LRP2: variants seen among roughly 807,000 people sequenced by gnomAD.
LRP2 encodes the protein LDL receptor related protein 2, also known as low-density lipoprotein receptor-related protein 2.
In LRP2, 172 loss-of-function variants were observed where a neutral mutation model predicts 531.0. The ratio of observed to expected loss-of-function variants is 0.32; its 90% CI spans 0.29 to 0.37. The LOEUF is 0.37. LRP2 is among the 10% of genes least tolerant of loss of function. LRP2 has a pLI of 1.00. For missense variants in LRP2, 5,167 were observed against 5,868.3 expected (o/e 0.88, Z 3.90); for synonymous variants, 1,992 against 2,027.6 (o/e 0.98, Z 0.47).
intron 41 of LRP2, among the ~76,000 whole-genome samples, 165 bp from the exon 42 acceptor site, chr2:169,204,436 CTT>C (rs973019273): frequency 1.3e-5 from 2 of 152,066 alleles, no homozygotes; most frequent in African/African-American, 4.8e-5. Context: ...GATGGGAGGT[CTT>C]GTTTGCTTAT....
intron 48 of LRP2, among the ~76,000 whole-genome samples, chr2:169,191,449 G>A (rs1042050877): frequency 6.6e-6 from 1 of 152,118 alleles, no homozygotes. Context: ...CTGGCCCTCT[G>A]TGCAAGGCCA....
Position 169,289,099 on chromosome 2 carries a change from C to G in LRP2, c.969G>C (p.Glu323Asp). 2 of 1,614,154 alleles carry G rather than the reference C, an allele frequency of 1.2e-6. No homozygotes were observed. The highest frequency in any genetic ancestry group is 1.7e-6 in the Non-Finnish European group (2 of 1,179,998). The change falls in exon 9 of 79, where the codon GAG becomes GAC. Residue 323 changes from glutamate to aspartate, a missense_variant. Coordinates refer to ENST00000649046, the MANE Select transcript of LRP2 (RefSeq NM_004525.3). ...AAAAACACGCTCCTCCATACGGCGT[C>G]TCATGGCACTGGTACTGGCAGTTCA... The part of the protein sequence containing the change: ...SALNCQYQCH[E>D]TPYGGACFCP...
At chr2:169,292,625 C>T (rs1442276855) in intron 6 of LRP2, among the ~76,000 whole-genome samples, 2 of 151,852 alleles carry the variant, frequency 1.3e-5, no homozygotes, top group Non-Finnish European at 2.9e-5. Flanking sequence ...TTAGATCAGC[C>T]TGGGCAACAT....
In LRP2 at chr2:169,241,331, T is replaced by G. The variant is rs750727070; in HGVS notation, c.3702A>C (p.Glu1234Asp). The G allele has an allele frequency of 2.5e-6, 4 of 1,614,148 alleles. No homozygotes were observed. The South Asian group carries it at 4.4e-5, about 18-fold the overall frequency. The change falls in exon 25 of 79, where the codon GAA (glutamate) becomes GAC (aspartate). Residue 1234 changes from glutamate (E) to aspartate (D), a missense_variant. By Grantham distance (45) the Glu-to-Asp change is conservative. Transcript: ENST00000649046. ...TRPPGMCHSDEFQCQEDGICI... is the reference protein window; with the variant it reads ...TRPPGMCHSDDFQCQEDGICI... ...AGATACCATCTTCTTGGCACTGAAA[T>G]TCATCTGAGTGGCACATACCAGGAG...
chr2:169,222,752 C>T (rs1451830074), intron 33 of LRP2, among the ~76,000 whole-genome samples: 1 of 152,188 alleles, frequency 6.6e-6, no homozygotes, highest in Non-Finnish European at 1.5e-5. Context: ...CTCTCTCTCT[C>T]TCCTCCCTTT....
chr2:169,307,583 T>G (rs1362946997), intron 3 of LRP2, among the ~76,000 whole-genome samples, 186 bp from the exon 4 acceptor site: 1 of 152,180 alleles, frequency 6.6e-6, no homozygotes. Flanking sequence ...GCCCAGAGAA[T>G]AGTGTCCACA....
At chr2:169,246,101 TTTTGTATTTTGTAA>T (rs1189816422) in intron 21 of LRP2, among the ~76,000 whole-genome samples, 1 of 152,158 alleles carries the variant, frequency 6.6e-6, no homozygotes, top group Non-Finnish European at 1.5e-5. Context: ...ATTTTGTTTT[TTTTGTATTTTGTAA>T]TTTTGTATTT....
rs151284101 is a variant in LRP2 at position 169,275,435 on chromosome 2, T to C, written c.1773-197A>G. 1,378 of 573,972 alleles carry C rather than the reference T, an allele frequency of 2.4e-3. 36 individuals are homozygous for C. The Admixed American group carries it at 0.036, about 15-fold the overall frequency. The allele number at this position is 573,972 out of a possible 1,614,324, so 35.6% of individuals were successfully genotyped here. A position where few individuals can be genotyped will look rare whatever the true frequency, so the allele number is the denominator to read the frequency against. On this transcript the variant is annotated intron_variant, in intron 13 of 78. Coordinates refer to ENST00000649046, the MANE Select transcript of LRP2 (RefSeq NM_004525.3). ...ATAGAAGGATTTTCATGTTGTCTCTTGGAAAAGACCCTTGAGACTTACATT... is the reference window on the plus strand; with the variant it reads ...ATAGAAGGATTTTCATGTTGTCTCTCGGAAAAGACCCTTGAGACTTACATT...
chr2:169,310,173 G>C (rs1330376850), intron 3 of LRP2, among the ~76,000 whole-genome samples: 2 of 152,116 alleles, frequency 1.3e-5, no homozygotes, highest in Non-Finnish European at 2.9e-5. Context: ...CTGCAAACGG[G>C]GACAATTTGA....
intron 1 of LRP2, among the ~76,000 whole-genome samples, chr2:169,348,289 C>T (rs1422654308): frequency 2.6e-5 from 4 of 152,128 alleles, no homozygotes; most frequent in Non-Finnish European, 4.4e-5. Flanking sequence ...CTATTTGTTA[C>T]GTATGGAGTC....
chr2:169,156,121 T>C (rs192509159), intron 65 of LRP2, among the ~76,000 whole-genome samples, 153 bp downstream of exon 65: 329 of 151,970 alleles, frequency 2.2e-3, no homozygotes, highest in Non-Finnish European at 3.0e-3. Context: ...AAGGAGCGAC[T>C]AAAGAGGTGT....
rs116332504 is a variant in LRP2, at chr2:169,273,019, A to G, written c.2024T>C (p.Val675Ala). Reference protein sequence around the residue: ...DNNGGCEQVCVLSHRTDNDGL... With the variant: ...DNNGGCEQVCALSHRTDNDGL... ...ATCATTATCTGTTCTGTGGCTGAGGACACAGACCTGCTCACAGCCCCCATT... is the reference window on the plus strand; with the variant it reads ...ATCATTATCTGTTCTGTGGCTGAGGGCACAGACCTGCTCACAGCCCCCATT... Residue 675 changes from valine (V) to alanine (A), a missense_variant, in exon 15 of 79, where the codon GTC becomes GCC. Physicochemically the swap from Val to Ala is moderately conservative, Grantham distance 64. Transcript: ENST00000649046. 1,937 of 1,613,652 alleles carry G rather than the reference A, an allele frequency of 1.2e-3. 24 individuals are homozygous for G. In the African/African-American group the frequency reaches 0.022, roughly 18 times the overall value.
chr2:169,289,434 G>C (rs955422523), intron 8 of LRP2, among the ~76,000 whole-genome samples: 21 of 152,126 alleles, frequency 1.4e-4, no homozygotes, highest in Admixed American at 5.2e-4. Flanking sequence ...GCTCACAACT[G>C]TAATCTCAGC....
At chr2:169,157,976 T>C (rs886135607) in intron 63 of LRP2, among the ~76,000 whole-genome samples, 2 of 144,958 alleles carry the variant, frequency 1.4e-5, no homozygotes, top group Non-Finnish European at 3.1e-5. Flanking sequence ...TGGATACAGA[T>C]AGGTTAGAAC....
At chr2:169,302,574 A>G (rs1235312861) in intron 4 of LRP2, among the ~76,000 whole-genome samples, 1 of 152,130 alleles carries the variant, frequency 6.6e-6, no homozygotes, top group Non-Finnish European at 1.5e-5. Flanking sequence ...AATGCACAAG[A>G]AAGAACTGTC....
intron 1 of LRP2, among the ~76,000 whole-genome samples, chr2:169,327,113 C>T (rs1327179848): frequency 2.3e-4 from 34 of 150,512 alleles, no homozygotes; most frequent in Non-Finnish European, 4.0e-4. Flanking sequence ...CCCGGCCAGC[C>T]GCCCCATCCG....
chr2:169,360,089 C>A (rs1237923278), intron 1 of LRP2, among the ~76,000 whole-genome samples: 1 of 143,790 alleles, frequency 7.0e-6, no homozygotes, highest in East Asian at 2.1e-4. Flanking sequence ...TGCACCACTG[C>A]ACTCCAGCCT....
intron 33 of LRP2, among the ~76,000 whole-genome samples, chr2:169,223,847 G>A (rs1167692698): frequency 1.3e-5 from 2 of 152,186 alleles, no homozygotes; most frequent in African/African-American, 4.8e-5. Context: ...ATCACAAATG[G>A]CTACCAGAAC....
intron 46 of LRP2, 143 bp downstream of exon 46, chr2:169,196,768 G>A (rs993871632): frequency 1.0e-5 from 11 of 1,097,448 alleles, no homozygotes; most frequent in African/African-American, 1.5e-5. Context: ...TCCGCTGAGC[G>A]GTGTCAGCAT....
Sources: allele counts gnomAD v4.1 joint callset (sites outside exome capture counted in the v4.1 genomes callset), GRCh38; gene constraint gnomAD v4.1.1; transcripts MANE v1.5; gene names NCBI Gene and HGNC (gene_info 2026-07-23, HGNC 2026-07-21).